SDK2: variants seen among roughly 807,000 people sequenced by gnomAD.
SDK2 encodes sidekick cell adhesion molecule 2.
A neutral mutation model predicts 253.9 loss-of-function variants in SDK2; 105 were observed. The ratio of observed to expected loss-of-function variants is 0.41; its 90% CI spans 0.35 to 0.49. The LOEUF (loss-of-function observed/expected upper bound fraction) is 0.49. Ranked by LOEUF, SDK2 falls within the 20% of genes least tolerant of loss-of-function variation. The pLI is 0.06. For missense variants in SDK2, 2,608 were observed against 3,003.0 expected (o/e 0.87, Z 3.07); for synonymous variants, 1,249 against 1,234.9 (o/e 1.01, Z -0.24).
chr17:73,424,192 G>T, intron 12 of SDK2, 100 bp from the exon 13 acceptor site: 1 of 1,028,506 alleles, frequency 9.7e-7, no homozygotes, highest in Non-Finnish European at 1.4e-6. Flanking sequence ...CCAAAGCTGG[G>T]CAGAGGACAA....
At chr17:73,512,060 ATATCTGTGTGTATGTGTGTGTAT>A (rs1207555915) in intron 1 of SDK2, among the ~76,000 whole-genome samples, 1 of 152,018 alleles carries the variant, frequency 6.6e-6, no homozygotes, top group African/African-American at 2.4e-5. Context: ...CTGTGTGCAC[ATATCTGTGTGTATGTGTGTGTAT>A]TTATGTGCAG....
chr17:73,565,510 T>C (rs983066295), intron 1 of SDK2, among the ~76,000 whole-genome samples: 1 of 152,210 alleles, frequency 6.6e-6, no homozygotes, highest in Non-Finnish European at 1.5e-5. Context: ...ATACAGATTG[T>C]TTTAAAACAG....
Position 73,399,291 on chromosome 17 carries a change from T to C in SDK2, c.2972-2A>G, listed in dbSNP as rs1267656318. ...GGTTGGTGGGGGGCCCTGGGAGTTC[T>C]GGAAAAGGAGAACAGGGTGGGGAAG... On this transcript the variant is annotated splice_acceptor_variant, in intron 21 of 44. Coordinates refer to ENST00000392650, the MANE Select transcript of SDK2 (RefSeq NM_001144952.2). LOFTEE classifies it high-confidence loss of function. The C allele has an allele frequency of 6.2e-7, 1 of 1,613,516 alleles. No individual in the cohort carries two copies. Among genetic ancestry groups the C allele is most frequent in the Non-Finnish European group, 8.5e-7 (1 of 1,179,752 alleles).
intron 15 of SDK2, among the ~76,000 whole-genome samples, chr17:73,419,514 G>A (rs1314830044): frequency 2.0e-5 from 3 of 152,048 alleles, no homozygotes; most frequent in Admixed American, 6.6e-5. Flanking sequence ...GAGACTAGTT[G>A]AGGCTCAAAT....
At chr17:73,350,929 G>T in intron 41 of SDK2, 139 bp from the exon 42 acceptor site, 1 of 855,192 alleles carries the variant, frequency 1.2e-6, no homozygotes, top group Non-Finnish European at 1.8e-6. Flanking sequence ...CAGAACCTCT[G>T]TAAGGACAGT....
intron 18 of SDK2, among the ~76,000 whole-genome samples, chr17:73,412,132 GTATGTGTA>G (rs2063142537): frequency 2.9e-5 from 2 of 68,612 alleles, no homozygotes; most frequent in African/African-American, 5.3e-5. Context: ...GTATATATGT[GTATGTGTA>G]TATGTATATA....
At chr17:73,461,438 C>T (rs2063561893) in intron 3 of SDK2, among the ~76,000 whole-genome samples, 1 of 152,230 alleles carries the variant, frequency 6.6e-6, no homozygotes, top group African/African-American at 2.4e-5. Context: ...AGAGGAATAG[C>T]AGGAGGACCT....
Position 73,365,349 on chromosome 17 carries a change from G to A in SDK2, c.5214C>T (p.Thr1738=). The change falls in exon 38 of 45, where the codon ACC becomes ACT. Residue 1738 remains threonine (T), a synonymous_variant. Transcript: ENST00000392650. The stretch of plus-strand genomic sequence containing the variant: ...GGGCTTCCCAGGACACATTCACTGA[G>A]GTTGTGGTCAGCTCACTGAACTTGA... ...SSVKFSELTT[T]SVNVSWEAPQ... is the part of the protein sequence containing the mutation. The A allele has an allele frequency of 1.2e-6, 2 of 1,612,752 alleles. No individual in the cohort carries two copies. Among genetic ancestry groups the A allele is most frequent in the South Asian group, 1.1e-5 (1 of 90,790 alleles).
intron 2 of SDK2, among the ~76,000 whole-genome samples, chr17:73,488,592 CT>C (rs35545969): frequency 0.11 from 15,621 of 143,314 alleles, 854 homozygotes; most frequent in South Asian, 0.14. Context: ...GGTGTTGCAA[CT>C]TTTTTTTTTT....
Position 73,335,349 on chromosome 17 carries a change from T to C in SDK2, c.*3238A>G, listed in dbSNP as rs537992407. 4 of 152,450 alleles carry C rather than the reference T, an allele frequency of 2.6e-5. No homozygotes were observed. The highest frequency in any genetic ancestry group is 9.6e-5 in the African/African-American group (4 of 41,566). The allele number at this position is 152,450 out of a possible 1,614,324, so 9.4% of individuals were successfully genotyped here. A position where few individuals can be genotyped will look rare whatever the true frequency, so the allele number is the denominator to read the frequency against. On this transcript the variant is annotated 3_prime_UTR_variant, in exon 45 of 45. Coordinates refer to ENST00000392650, the MANE Select transcript of SDK2 (RefSeq NM_001144952.2). ...GGCAATGCCAAAGGTGCCAGGTGTG[T>C]CCTGGTGTGAACCTGCTTTGGGTGG...
At chr17:73,562,984 C>A (rs1273424899) in intron 1 of SDK2, among the ~76,000 whole-genome samples, 3 of 152,174 alleles carry the variant, frequency 2.0e-5, no homozygotes, top group Non-Finnish European at 4.4e-5. Context: ...GACCTGGGCA[C>A]TTGAAGCCAT....
rs769731541 is a variant in SDK2 at position 73,381,262 on chromosome 17, TCTTC to T, written c.4706-316_4706-313del. ...CTGGGGGACCCTCTCACCCCAATTC[TCTTC>T]CTTGTTTCAGGGCAGAGCTCCTGGA... On this transcript the variant is annotated intron_variant, in intron 33 of 44. Coordinates refer to ENST00000392650, the MANE Select transcript of SDK2 (RefSeq NM_001144952.2). 1.4e-3 allele frequency among the ~76,000 whole-genome samples: 210 copies of T among 152,262 alleles called. 1 individual carries two copies. The highest frequency in any genetic ancestry group is 4.8e-3 in the African/African-American group (198 of 41,558).
At position 73,395,634 on chromosome 17, in the gene SDK2, A is replaced by C. The variant is rs947142588; in HGVS notation, c.3355-242T>G. On this transcript the variant is annotated intron_variant, in intron 24 of 44. Transcript: ENST00000392650. The surrounding 1 kb of genome is among the most constrained non-coding windows in gnomAD (Gnocchi z 4.3). ...AAGCAGCATCCTTTCTTTATTGTGT[A>C]TGTGACAAATCTATTACCCTGCCAA... is the stretch of plus-strand genomic sequence containing the variant. Among the ~76,000 whole-genome samples the C allele has an allele frequency of 6.6e-6, 1 of 152,204 alleles. No homozygotes were observed. The highest frequency in any genetic ancestry group is 2.4e-5 in the African/African-American group (1 of 41,454).
chr17:73,525,406 C>T (rs1438415989), intron 1 of SDK2, among the ~76,000 whole-genome samples: 1 of 152,046 alleles, frequency 6.6e-6, no homozygotes. Flanking sequence ...TACAGGAAGG[C>T]GACAAGTTAC....
intron 39 of SDK2, among the ~76,000 whole-genome samples, chr17:73,359,060 A>G (rs1225283229): frequency 1.3e-5 from 2 of 151,878 alleles, no homozygotes; most frequent in Non-Finnish European, 2.9e-5. Flanking sequence ...ACATGCTGTC[A>G]CCTCCAATCC....
At chr17:73,641,215 A>G (rs980262846) in intron 1 of SDK2, 13 of 152,384 alleles carry the variant, frequency 8.5e-5, no homozygotes, top group African/African-American at 2.4e-4. Context: ...AACCGTCATA[A>G]CAAGAATAAT....
chr17:73,523,562 T>C (rs1053635982), intron 1 of SDK2, among the ~76,000 whole-genome samples: 1 of 151,924 alleles, frequency 6.6e-6, no homozygotes, highest in African/African-American at 2.4e-5. Context: ...GCTGCCGGCA[T>C]GGGAACGCCA....
At chr17:73,630,138 G>A (rs1467711807) in intron 1 of SDK2, among the ~76,000 whole-genome samples, 5 of 152,016 alleles carry the variant, frequency 3.3e-5, no homozygotes, top group African/African-American at 9.7e-5. Context: ...ACCTAGACTC[G>A]GGCCCTAGGA....
intron 2 of SDK2, among the ~76,000 whole-genome samples, chr17:73,478,787 C>T (rs759742635): frequency 6.6e-6 from 1 of 152,174 alleles, no homozygotes; most frequent in South Asian, 2.1e-4. Flanking sequence ...TTCAATTCCA[C>T]GAAGCTGTCA....
Sources: gnomAD v4.1 joint callset for allele counts (sites outside exome capture counted in the v4.1 genomes callset) on GRCh38, gnomAD v4.1.1 for gene constraint, Gnocchi (gnomAD v3.1) non-coding constraint, MANE v1.5 for transcripts, NCBI Gene and HGNC (gene_info 2026-07-23, HGNC 2026-07-21) for gene names.